PACRG: variants seen among roughly 807,000 people sequenced by gnomAD.
The protein encoded by PACRG is parkin coregulated.
A neutral mutation model predicts 29.7 loss-of-function variants in PACRG; 29 were observed. The ratio of observed to expected loss-of-function variants is 0.98; its 90% CI spans 0.73 to 1.33. The LOEUF (loss-of-function observed/expected upper bound fraction) is 1.33. Among genes scored for constraint, PACRG ranks in the 40% most tolerant of loss-of-function variants. PACRG has a pLI of 0.00. For synonymous variants in PACRG, 116 were observed against 118.7 expected (o/e 0.98, Z 0.15); for missense variants, 279 against 316.2 (o/e 0.88, Z 0.89).
Position 162,916,445 on chromosome 6 carries a change from C to T in PACRG, c.291+102164C>T, listed in dbSNP as rs1032954813. Among the ~76,000 whole-genome samples, 8 of 152,188 alleles carry T rather than the reference C, an allele frequency of 5.3e-5. No individual in the cohort carries two copies. The South Asian group carries it at 1.7e-3, about 32-fold the overall frequency. On this transcript the variant is annotated intron_variant, in intron 2 of 4. Transcript: ENST00000366888. ...CTACTAAATTTGGAAAGTTTTTGTC[C>T]CTTATTTCTTCAAATATATTTTCTG...
intron 1 of PACRG, among the ~76,000 whole-genome samples, chr6:162,749,663 G>A (rs12661624): frequency 0.22 from 33,239 of 151,930 alleles, 4,372 homozygotes; most frequent in African/African-American, 0.34. Context: ...TGGGACTACA[G>A]GCATGCACCA....
chr6:162,734,066 A>C (rs898897823), intron 1 of PACRG, among the ~76,000 whole-genome samples: 1 of 152,210 alleles, frequency 6.6e-6, no homozygotes, highest in Admixed American at 6.5e-5. Context: ...TATTTTGATC[A>C]GTTGAATTAA....
intron 2 of PACRG, chr6:162,997,342 T>C (rs924488823): frequency 2.3e-6 from 1 of 427,728 alleles, no homozygotes; most frequent in Non-Finnish European, 4.6e-6. Context: ...CAAAGTATGG[T>C]TTATTTGCTT....
chr6:162,887,110 T>C (rs991896232), intron 2 of PACRG, among the ~76,000 whole-genome samples: 1 of 152,146 alleles, frequency 6.6e-6, no homozygotes, highest in Non-Finnish European at 1.5e-5. Context: ...GGTTTCACCA[T>C]GTCTGTCTTG....
chr6:163,213,711 TA>T (rs1255855926), intron 4 of PACRG, among the ~76,000 whole-genome samples: 1 of 152,218 alleles, frequency 6.6e-6, no homozygotes, highest in Non-Finnish European at 1.5e-5. Context: ...ATTTGTAAAT[TA>T]AGGAAATTAA....
Position 163,220,430 on chromosome 6 carries a change from G to A in PACRG, c.614-94397G>A, listed in dbSNP as rs28360646. ...GGGGCTGAGATGTAGATTTGCACAC[G>A]CCCTCTCTCTCTCCATAGTAGACCT... is the stretch of plus-strand genomic sequence containing the variant. On this transcript the variant is annotated intron_variant, in intron 4 of 4. Coordinates refer to ENST00000366888, the MANE Select transcript of PACRG (RefSeq NM_001080379.2). 8.9e-4 allele frequency among the ~76,000 whole-genome samples: 136 copies of A among 152,082 alleles called. 1 individual carries two copies. Among genetic ancestry groups the A allele is most frequent in the African/African-American group, 3.0e-3 (123 of 41,488 alleles).
chr6:162,983,756 A>G (rs1001814134), intron 2 of PACRG, among the ~76,000 whole-genome samples: 4 of 151,922 alleles, frequency 2.6e-5, no homozygotes, highest in Non-Finnish European at 2.9e-5. Context: ...CTTTGTCTTG[A>G]CTTTAGGTAA....
intron 2 of PACRG, among the ~76,000 whole-genome samples, chr6:163,030,012 A>G (rs1241642485): frequency 6.6e-6 from 1 of 152,238 alleles, no homozygotes; most frequent in East Asian, 1.9e-4. Flanking sequence ...GAAACTTCAT[A>G]CAATGAGGAG....
At chr6:163,087,059 G>A (rs1231232261) in intron 3 of PACRG, among the ~76,000 whole-genome samples, 3 of 152,010 alleles carry the variant, frequency 2.0e-5, no homozygotes, top group Non-Finnish European at 2.9e-5. Flanking sequence ...GTAACCCCGC[G>A]GTACCTTGAA....
At chr6:162,911,534 G>A (rs770053687) in intron 2 of PACRG, among the ~76,000 whole-genome samples, 4 of 152,218 alleles carry the variant, frequency 2.6e-5, no homozygotes, top group Non-Finnish European at 5.9e-5. Context: ...GATACTTACA[G>A]AATATAGATA....
chr6:163,295,962 T>C (rs1474206545), intron 4 of PACRG, among the ~76,000 whole-genome samples: 2 of 152,186 alleles, frequency 1.3e-5, no homozygotes, highest in Admixed American at 6.5e-5. Context: ...TGAGTAGCCC[T>C]GGCCTTCTGC....
chr6:162,775,764 T>G (rs1021721712), intron 1 of PACRG, among the ~76,000 whole-genome samples: 1 of 152,220 alleles, frequency 6.6e-6, no homozygotes, highest in East Asian at 1.9e-4. Flanking sequence ...CCTATTGAAC[T>G]TTCTGCCATG....
At chr6:162,884,372 C>A (rs1268798222) in intron 2 of PACRG, among the ~76,000 whole-genome samples, 1 of 151,998 alleles carries the variant, frequency 6.6e-6, no homozygotes, top group Non-Finnish European at 1.5e-5. Flanking sequence ...TGGACCAGGG[C>A]AGTTCAAATT....
intron 3 of PACRG, among the ~76,000 whole-genome samples, chr6:163,082,008 T>A (rs1238458502): frequency 1.3e-5 from 2 of 152,130 alleles, no homozygotes; most frequent in Non-Finnish European, 2.9e-5. Context: ...AAATCCAACT[T>A]AATTCACTCA....
chr6:162,832,527 G>A (rs76539108), intron 2 of PACRG, among the ~76,000 whole-genome samples: 2,887 of 152,152 alleles, frequency 0.019, 95 homozygotes, highest in African/African-American at 0.064. Flanking sequence ...AAATGGTTTT[G>A]ATGTTTAGCT....
intron 2 of PACRG, among the ~76,000 whole-genome samples, chr6:163,036,211 T>C (rs1402918887): frequency 6.6e-6 from 1 of 152,234 alleles, no homozygotes; most frequent in African/African-American, 2.4e-5. Flanking sequence ...TTTTAAAACT[T>C]ATTTTATCTC....
chr6:162,790,110 G>T (rs1474337244), intron 1 of PACRG, among the ~76,000 whole-genome samples: 1 of 152,112 alleles, frequency 6.6e-6, no homozygotes, highest in Non-Finnish European at 1.5e-5. Context: ...TCTAAATGAT[G>T]TTTAAGTGTT....
intron 2 of PACRG, among the ~76,000 whole-genome samples, chr6:162,894,890 C>T (rs1795048112): frequency 6.6e-6 from 1 of 151,934 alleles, no homozygotes; most frequent in African/African-American, 2.4e-5. Context: ...ATTATTGTTG[C>T]TAAAGGCATT....
intron 1 of PACRG, among the ~76,000 whole-genome samples, chr6:162,804,480 T>G (rs1786150039): frequency 6.6e-6 from 1 of 152,194 alleles, no homozygotes; most frequent in Non-Finnish European, 1.5e-5. Context: ...CTCTCTTCAA[T>G]TTCCTTGTCT....
Sources: gnomAD v4.1 joint callset for allele counts (sites outside exome capture counted in the v4.1 genomes callset) on GRCh38, gnomAD v4.1.1 for gene constraint, MANE v1.5 for transcripts, NCBI Gene and HGNC (gene_info 2026-07-23, HGNC 2026-07-21) for gene names.